RAPGEF3: variants seen among roughly 807,000 people sequenced by gnomAD.
RAPGEF3 encodes Rap guanine nucleotide exchange factor 3.
In RAPGEF3, 103 loss-of-function variants were observed where a neutral mutation model predicts 129.8. That is an observed-to-expected ratio of 0.79 (90% CI 0.68 to 0.93). The LOEUF (loss-of-function observed/expected upper bound fraction) is 0.93. Ranked by LOEUF, RAPGEF3 falls within the 40% of genes least tolerant of loss-of-function variation. The pLI, the probability that RAPGEF3 is intolerant of heterozygous loss-of-function variation, is 0.00. For missense variants in RAPGEF3, 1,117 were observed against 1,207.4 expected (o/e 0.93, Z 1.11); for synonymous variants, 436 against 482.6 (o/e 0.90, Z 1.26).
chr12:47,740,679 C>T lies in RAPGEF3; in HGVS notation c.2194G>A (p.Ala732Thr), dbSNP rs762380970. ...LCLCPVPGPR[A>T]QLLRKFIKLA... ...TTAATGAACTTCCTGAGCAGCTGGG[C>T]CCGGGGGCCGGGCACGGGGCAGAGA... The change falls in exon 21 of 28, where the codon GCC becomes ACC. Residue 732 changes from alanine (A) to threonine (T), a missense_variant. Ala to Thr is a moderately conservative substitution (Grantham distance 58). Coordinates refer to ENST00000449771, the MANE Select transcript of RAPGEF3 (RefSeq NM_001098531.4). 1.2e-6 allele frequency: 2 copies of T among 1,613,826 alleles called. No individual in the cohort carries two copies. The highest frequency in any genetic ancestry group is 2.2e-5 in the South Asian group (2 of 91,078).
intron 2 of RAPGEF3, chr12:47,752,434 T>C (rs1382463440): frequency 1.7e-5 from 3 of 177,404 alleles, no homozygotes; most frequent in Non-Finnish European, 3.7e-5. Flanking sequence ...AGGTTCTGTG[T>C]CCTTCCACAG....
At chr12:47,750,971 G>A in intron 6 of RAPGEF3, 77 bp downstream of exon 6, 1 of 1,538,786 alleles carries the variant, frequency 6.5e-7, no homozygotes, top group Non-Finnish European at 8.8e-7. Flanking sequence ...GATGCCCCCA[G>A]AGATCAATCT....
chr12:47,741,162 G>A (rs994240992), intron 19 of RAPGEF3, 122 bp from the exon 20 acceptor site: 1 of 1,259,658 alleles, frequency 7.9e-7, no homozygotes, highest in Non-Finnish European at 1.1e-6. Context: ...GAGGGCAGGA[G>A]TGGGGAGTAG....
chr12:47,747,847 A>G lies in RAPGEF3; in HGVS notation c.1338T>C (p.Pro446=). Reference sequence around the variant, plus strand: ...TGCGCTCCTGCTCGCTGCCACCCGCAGGCTCCACATGGAAGGTGGGCACCA... The same window carrying G: ...TGCGCTCCTGCTCGCTGCCACCCGCGGGCTCCACATGGAAGGTGGGCACCA... ...AALLHHFHVE[P]AGGSEQERST... is the part of the protein sequence containing the mutation. The change falls in exon 14 of 28, where the codon CCT becomes CCC. Residue 446 remains proline, a synonymous_variant. Transcript: ENST00000449771. The G allele has an allele frequency of 6.2e-7, 1 of 1,603,924 alleles. No individual in the cohort carries two copies. The highest frequency in any genetic ancestry group is 8.5e-7 in the Non-Finnish European group (1 of 1,179,926).
At chr12:47,741,452 C>T in intron 19 of RAPGEF3, 53 bp downstream of exon 19, 1 of 1,527,534 alleles carries the variant, frequency 6.5e-7, no homozygotes, top group Non-Finnish European at 9.1e-7. Context: ...CCACCACTGC[C>T]ACACTCAAAA....
chr12:47,734,570 G>A lies in RAPGEF3; in HGVS notation c.*2997C>T, dbSNP rs1354148633. 6.6e-6 allele frequency: 1 copy of A among 152,230 alleles called. No individual in the cohort carries two copies. The highest frequency in any genetic ancestry group is 1.5e-5 in the Non-Finnish European group (1 of 68,042). 9.4% of individuals were successfully genotyped at this position (152,230 alleles called of 1,614,324 possible). A position where few individuals can be genotyped will look rare whatever the true frequency, so the allele number is the denominator to read the frequency against. ...TGCCTGTGCCTCAGTTTCTTTGACT[G>A]TAAAACCAGAGTAAAAATACCTGTA... On this transcript the variant is annotated 3_prime_UTR_variant, in exon 28 of 28. Transcript: ENST00000449771.
chr12:47,737,995 G>A (rs371411269), intron 27 of RAPGEF3, 27 bp downstream of exon 27: 89 of 1,464,030 alleles, frequency 6.1e-5, no homozygotes, highest in Non-Finnish European at 8.1e-5. Flanking sequence ...CCCCCTCCCT[G>A]CCCACCCACC....
At position 47,734,796 on chromosome 12, in the gene RAPGEF3, C is replaced by A. The variant is rs979502153; in HGVS notation, c.*2771G>T. 1 of 152,270 alleles carries A rather than the reference C, an allele frequency of 6.6e-6. No individual in the cohort carries two copies. Among genetic ancestry groups the A allele is most frequent in the African/African-American group, 2.4e-5 (1 of 41,472 alleles). The allele number at this position is 152,270 out of a possible 1,614,324, so 9.4% of individuals were successfully genotyped here. On this transcript the variant is annotated 3_prime_UTR_variant, in exon 28 of 28. Transcript: ENST00000449771. ...GCGTGTGAAGGCAGACATGCCCCCA[C>A]CCAGCTCTAACTCAGTGCTGAGTGG...
Position 47,734,597 on chromosome 12 carries a change from T to C in RAPGEF3, c.*2970A>G, listed in dbSNP as rs1404713092. ...AAAACCAGAGTAAAAATACCTGTAG[T>C]ACCTATTCTGTCATCAGGATAAAAA... On this transcript the variant is annotated 3_prime_UTR_variant, in exon 28 of 28. Transcript: ENST00000449771. 1 of 152,258 alleles carries C rather than the reference T, an allele frequency of 6.6e-6. No homozygotes were observed. The highest frequency in any genetic ancestry group is 1.5e-5 in the Non-Finnish European group (1 of 68,050). The allele number at this position is 152,258 out of a possible 1,614,324, so 9.4% of individuals were successfully genotyped here. A position where few individuals can be genotyped will look rare whatever the true frequency, so the allele number is the denominator to read the frequency against.
chr12:47,747,916 C>G lies in RAPGEF3; in HGVS notation c.1323-54G>C, dbSNP rs942666350. 3.1e-6 allele frequency: 5 copies of G among 1,595,378 alleles called. No individual in the cohort carries two copies. In the African/African-American group the frequency reaches 6.7e-5, roughly 21 times the overall value. The stretch of plus-strand genomic sequence containing the variant: ...TCCAAGCAGGGCCACCCACCTGAGG[C>G]AAAGGAGGGGCAGGATGCCCAGGGC... On this transcript the variant is annotated intron_variant, in intron 13 of 27. Coordinates refer to ENST00000449771, the MANE Select transcript of RAPGEF3 (RefSeq NM_001098531.4).
rs776600023 is a variant in RAPGEF3 at position 47,748,464 on chromosome 12, A to G, written c.1233T>C (p.His411=). Residue 411 remains histidine (H), a synonymous_variant, in exon 12 of 28, where the codon CAT becomes CAC. Coordinates refer to ENST00000449771, the MANE Select transcript of RAPGEF3 (RefSeq NM_001098531.4). ...LEAMGPDSSA[H]DPTETFLSDF... is the part of the protein sequence containing the mutation. ...GTCTCTTGCCCTTACCTGTTGGGTC[A>G]TGAGCACTGGAATCTGGTCCCATGG... 5 of 1,613,410 alleles carry G rather than the reference A, an allele frequency of 3.1e-6. No homozygotes were observed. Among genetic ancestry groups the G allele is most frequent in the Non-Finnish European group, 2.5e-6 (3 of 1,179,814 alleles).
chr12:47,753,405 C>G (rs757558857), intron 2 of RAPGEF3, among the ~76,000 whole-genome samples: 5 of 152,158 alleles, frequency 3.3e-5, no homozygotes, highest in Admixed American at 6.5e-5. Context: ...CTGAAAAGGA[C>G]CTGCTGGGGA....
At position 47,751,710 on chromosome 12, in the gene RAPGEF3, G is replaced by C. The variant is rs754709644; in HGVS notation, c.380+13C>G. On this transcript the variant is annotated intron_variant, in intron 4 of 27. Transcript: ENST00000449771. ...GTGAGGCTGGGCAAGGAGGCAGCAGGGCCTCCACTCACCGATAGAGCCTAA... is the reference window on the plus strand; with the variant it reads ...GTGAGGCTGGGCAAGGAGGCAGCAGCGCCTCCACTCACCGATAGAGCCTAA... The C allele has an allele frequency of 6.8e-6, 11 of 1,610,780 alleles. No individual in the cohort carries two copies. Among genetic ancestry groups the C allele is most frequent in the Non-Finnish European group, 9.3e-6 (11 of 1,178,808 alleles).
In RAPGEF3 at chr12:47,736,250, G is replaced by A. The variant is rs888148783; in HGVS notation, c.*1317C>T. 6.6e-6 allele frequency: 1 copy of A among 152,306 alleles called. No individual in the cohort carries two copies. Among genetic ancestry groups the A allele is most frequent in the African/African-American group, 2.4e-5 (1 of 41,470 alleles). The allele number at this position is 152,306 out of a possible 1,614,324, so 9.4% of individuals were successfully genotyped here. On this transcript the variant is annotated 3_prime_UTR_variant, in exon 28 of 28. Coordinates refer to ENST00000449771, the MANE Select transcript of RAPGEF3 (RefSeq NM_001098531.4). Reference sequence around the variant, plus strand: ...CTAAAGGCTCTGACCCTTTCTGGAAGCAGCAGGCCTGTGTATCCACATCCA... The same window carrying A: ...CTAAAGGCTCTGACCCTTTCTGGAAACAGCAGGCCTGTGTATCCACATCCA...
Position 47,746,892 on chromosome 12 carries a change from T to C in RAPGEF3, c.1564A>G (p.Asn522Asp). 6.2e-7 allele frequency: 1 copy of C among 1,601,680 alleles called. No individual in the cohort carries two copies. Among genetic ancestry groups the C allele is most frequent in the East Asian group, 2.2e-5 (1 of 44,632 alleles). Residue 522 changes from asparagine (N) to aspartate (D), a missense_variant, in exon 16 of 28, where the codon AAT (asparagine) becomes GAT (aspartate). Around this residue, in one of 3 missense-constraint regions of RAPGEF3, gnomAD observed 643 missense variants for 673.4 expected, o/e 0.95. Coordinates refer to ENST00000449771, the MANE Select transcript of RAPGEF3 (RefSeq NM_001098531.4). ...TGAGGAGATGCATTCCCACAGCCAT[T>C]CTCCAACCTGCAGACAAGAGAGAAG... ...PERRRCHRLE[N>D]GCGNASPQMK...
At chr12:47,738,390 G>A (rs947537458) in intron 25 of RAPGEF3, 143 bp from the exon 26 acceptor site, 91 of 1,135,932 alleles carry the variant, frequency 8.0e-5, no homozygotes, top group Middle Eastern at 2.8e-4. Flanking sequence ...TGTGTACTTC[G>A]CCTCAGCACA....
intron 1 of RAPGEF3, 37 bp from the exon 2 acceptor site, chr12:47,758,115 ACGACTGGGG>A (rs1317766049): frequency 6.5e-7 from 1 of 1,537,688 alleles, no homozygotes; most frequent in African/African-American, 1.4e-5. Context: ...GCCATGGGAC[ACGACTGGGG>A]CGGCTGGGCC....
At chr12:47,744,535 A>T in intron 16 of RAPGEF3, 1 of 178,130 alleles carries the variant, frequency 5.6e-6, no homozygotes, top group Non-Finnish European at 1.2e-5. Context: ...GCCCAAAGCC[A>T]CACAGCTGCT....
Position 47,738,676 on chromosome 12 carries a change from C to T in RAPGEF3, c.2526+14G>A. The T allele has an allele frequency of 6.3e-7, 1 of 1,588,332 alleles. No individual in the cohort carries two copies. ...CCTATGTTAGTAGTGAATGCCTGCT[C>T]TCCCTGGACTCACCATCTTCTCAAA... On this transcript the variant is annotated intron_variant, in intron 25 of 27. Transcript: ENST00000449771.
Sources: allele counts gnomAD v4.1 joint callset (sites outside exome capture counted in the v4.1 genomes callset), GRCh38; gene constraint gnomAD v4.1.1; regional missense constraint gnomAD v4.1.1; transcripts MANE v1.5; gene names NCBI Gene and HGNC (gene_info 2026-07-23, HGNC 2026-07-21).